FBXL14: variants seen among roughly 807,000 people sequenced by gnomAD.
The protein encoded by FBXL14 is F-box/LRR-repeat protein 14.
A neutral mutation model predicts 24.5 loss-of-function variants in FBXL14; 11 were observed. That is an observed-to-expected ratio of 0.45 (90% CI 0.28 to 0.74). FBXL14 has a LOEUF of 0.74. Ranked by LOEUF, FBXL14 falls within the 30% of genes least tolerant of loss-of-function variation. FBXL14 has a pLI of 0.12. For synonymous variants in FBXL14, 294 were observed against 240.4 expected, an observed-to-expected ratio of 1.22 and a Z score of -2.06; for missense variants, 384 against 545.6, an observed-to-expected ratio of 0.70 and a Z score of 2.95.
intron 1 of FBXL14, among the ~76,000 whole-genome samples, chr12:1,571,500 G>A (rs370347579): frequency 3.9e-5 from 6 of 152,288 alleles, no homozygotes; most frequent in Admixed American, 6.5e-5. Flanking sequence ...GAGCCACCGC[G>A]CCCAGCCAGT....
chr12:1,581,020 T>C (rs1358987001), intron 1 of FBXL14, among the ~76,000 whole-genome samples: 1 of 152,182 alleles, frequency 6.6e-6, no homozygotes, highest in Non-Finnish European at 1.5e-5. Context: ...CAAGGTGTTG[T>C]TGATACCTGC....
Position 1,594,121 on chromosome 12 carries a change from C to G in FBXL14, c.-55G>C, listed in dbSNP as rs1264341686. On this transcript the variant is annotated 5_prime_UTR_variant, in exon 1 of 2. Transcript: ENST00000339235. ...GGGAGGAGGCGCGGGCCCCGCCGCT[C>G]CGGCCTCGGGCAGGCGACGAGAGCG... 1 of 1,308,388 alleles carries G rather than the reference C, an allele frequency of 7.6e-7. No homozygotes were observed. Among genetic ancestry groups the G allele is most frequent in the Admixed American group, 3.8e-5 (1 of 26,090 alleles). 81.0% of individuals were successfully genotyped at this position (1,308,388 alleles called of 1,614,324 possible). A position where few individuals can be genotyped will look rare whatever the true frequency, so the allele number is the denominator to read the frequency against.
At chr12:1,585,810 C>A (rs539867619) in intron 1 of FBXL14, among the ~76,000 whole-genome samples, 1 of 152,172 alleles carries the variant, frequency 6.6e-6, no homozygotes. Context: ...AGCCTTTTTG[C>A]CCTTGAATGA....
At position 1,589,397 on chromosome 12, in the gene FBXL14, C is replaced by CAA. The variant is rs869295084; in HGVS notation, c.1194+3474_1194+3475dup. On this transcript the variant is annotated intron_variant, in intron 1 of 1. Coordinates refer to ENST00000339235, the MANE Select transcript of FBXL14 (RefSeq NM_152441.3). Reference sequence around the variant, plus strand: ...TAGGCAACAGATCAAGACCTTGTCTCAAAAAAAAAAAAAAAAAAAAAAGAT... The same window carrying CAA: ...TAGGCAACAGATCAAGACCTTGTCTCAAAAAAAAAAAAAAAAAAAAAAAAGAT... Among the ~76,000 whole-genome samples, 93 of 10,976 alleles carry CAA rather than the reference C, an allele frequency of 8.5e-3. 3 individuals are homozygous for CAA. Among genetic ancestry groups the CAA allele is most frequent in the East Asian group, 0.026 (8 of 310 alleles). The allele number at this position is 10,976 out of a possible 152,430, so 7.2% of individuals were successfully genotyped here.
chr12:1,582,480 G>T (rs1474344153), intron 1 of FBXL14, among the ~76,000 whole-genome samples: 1 of 152,070 alleles, frequency 6.6e-6, no homozygotes, highest in Non-Finnish European at 1.5e-5. Context: ...TTTACAACCT[G>T]TATTCTCTGT....
intron 1 of FBXL14, among the ~76,000 whole-genome samples, chr12:1,573,632 G>A (rs1233614145): frequency 6.6e-6 from 1 of 152,174 alleles, no homozygotes; most frequent in African/African-American, 2.4e-5. Flanking sequence ...GGACTTAAAG[G>A]GTGAGGAAGA....
At chr12:1,572,440 G>A (rs188491205) in intron 1 of FBXL14, among the ~76,000 whole-genome samples, 2 of 152,226 alleles carry the variant, frequency 1.3e-5, no homozygotes, top group African/African-American at 4.8e-5. Context: ...TTCAACACAA[G>A]AACATTTTGA....
At chr12:1,592,761 A>T in intron 1 of FBXL14, 112 bp downstream of exon 1, 2 of 953,736 alleles carry the variant, frequency 2.1e-6, no homozygotes, top group Non-Finnish European at 3.0e-6. Flanking sequence ...GCCCCATCTC[A>T]TCCGCTGCAA....
rs1312860824 is a variant in FBXL14 at position 1,594,072 on chromosome 12, T to C, written c.-6A>G. 7 of 1,435,772 alleles carry C rather than the reference T, an allele frequency of 4.9e-6. No homozygotes were observed. In the Admixed American group the frequency reaches 2.0e-4, roughly 41 times the overall value. 88.9% of individuals were successfully genotyped at this position (1,435,772 alleles called of 1,614,324 possible). A position where few individuals can be genotyped will look rare whatever the true frequency, so the allele number is the denominator to read the frequency against. On this transcript the variant is annotated 5_prime_UTR_variant, in exon 1 of 2. Transcript: ENST00000339235. The stretch of plus-strand genomic sequence containing the variant: ...CATGAGATGTGGGTCTCCATCTTCC[T>C]CCTCCCCCCTCCGCGGCGCTGGGGG...
chr12:1,594,233 G>A lies in FBXL14; in HGVS notation c.-167C>T, dbSNP rs1466147286. On this transcript the variant is annotated 5_prime_UTR_variant, in exon 1 of 2. Transcript: ENST00000339235. The stretch of plus-strand genomic sequence containing the variant: ...CCGCCTTCCGGCTCCGGCCGCCGCC[G>A]CCGCTCCTCCTCCTGGTCCGTCCGT... 7.9e-6 allele frequency: 2 copies of A among 253,030 alleles called. No homozygotes were observed. Among genetic ancestry groups the A allele is most frequent in the Non-Finnish European group, 1.3e-5 (2 of 153,998 alleles). The allele number at this position is 253,030 out of a possible 1,614,324, so 15.7% of individuals were successfully genotyped here.
intron 1 of FBXL14, among the ~76,000 whole-genome samples, chr12:1,591,947 T>C (rs1320087775): frequency 6.6e-6 from 1 of 152,020 alleles, no homozygotes; most frequent in Non-Finnish European, 1.5e-5. Context: ...TAAATTAAGA[T>C]TTAGAAATAG....
chr12:1,579,627 T>A lies in FBXL14; in HGVS notation c.1195-12817A>T, dbSNP rs1041569589. ...GACTCCATTTAAAAAAAAAAAAAAA[T>A]GTAGTTATCAATTTTTTGTTTTTGA... On this transcript the variant is annotated intron_variant, in intron 1 of 1. Coordinates refer to ENST00000339235, the MANE Select transcript of FBXL14 (RefSeq NM_152441.3). This position sits in a 1 kb window ranked among gnomAD's most constrained non-coding sequence, Gnocchi z 4.3. Among the ~76,000 whole-genome samples the A allele has an allele frequency of 6.7e-6, 1 of 149,376 alleles. No individual in the cohort carries two copies. The highest frequency in any genetic ancestry group is 1.5e-5 in the Non-Finnish European group (1 of 67,430).
intron 1 of FBXL14, among the ~76,000 whole-genome samples, chr12:1,575,498 C>T (rs915487872): frequency 4.6e-5 from 7 of 152,164 alleles, no homozygotes; most frequent in Non-Finnish European, 2.9e-5. Context: ...TTCGGGATCC[C>T]GTGGGGAAAA....
chr12:1,580,318 C>T (rs1483165407), intron 1 of FBXL14, among the ~76,000 whole-genome samples: 1 of 152,160 alleles, frequency 6.6e-6, no homozygotes, highest in Non-Finnish European at 1.5e-5. Flanking sequence ...ACTCAGGATC[C>T]CGTTCAATAG....
chr12:1,589,848 G>A (rs1277657770), intron 1 of FBXL14, among the ~76,000 whole-genome samples: 2 of 152,144 alleles, frequency 1.3e-5, no homozygotes, highest in Middle Eastern at 3.2e-3. Flanking sequence ...TCAATTTGCC[G>A]ACCTTTAGTC....
At chr12:1,591,446 G>A (rs183413584) in intron 1 of FBXL14, among the ~76,000 whole-genome samples, 121 of 151,084 alleles carry the variant, frequency 8.0e-4, no homozygotes, top group African/African-American at 2.3e-3. Context: ...GTTTTAAGAG[G>A]ATCTTTGTTA....
chr12:1,594,353 T>TCGCTCC lies in FBXL14; in HGVS notation c.-293_-288dup, dbSNP rs1216369254. Among the ~76,000 whole-genome samples, 283 of 140,276 alleles carry TCGCTCC rather than the reference T, an allele frequency of 2.0e-3. 2 individuals carry two copies. The highest frequency in any genetic ancestry group is 0.018 in the East Asian group (87 of 4,716). 92.0% of individuals were successfully genotyped at this position (140,276 alleles called of 152,430 possible). A position where few individuals can be genotyped will look rare whatever the true frequency, so the allele number is the denominator to read the frequency against. ...CCCGGGCGGGGAAGGCGCCTCGCTC[T>TCGCTCC]CGCTCCCGGAGGCCGGCCGCCGCCG... On this transcript the variant is annotated 5_prime_UTR_variant, in exon 1 of 2. Transcript: ENST00000339235.
In FBXL14 at chr12:1,593,255, A is replaced by G. The variant is rs1311267963; in HGVS notation, c.812T>C (p.Ile271Thr). Residue 271 changes from isoleucine to threonine, a missense_variant, in exon 1 of 2, where the codon ATC becomes ACC. By Grantham distance (89) the Ile-to-Thr change is moderately conservative. Coordinates refer to ENST00000339235, the MANE Select transcript of FBXL14 (RefSeq NM_152441.3). The surrounding 1 kb of genome is among the most constrained non-coding windows in gnomAD (Gnocchi z 7.4). ...RSCDNISDTG[I>T]MHLAMGSLRL... ...CAGGCTGCCCATGGCCAGATGCATG[A>G]TGCCCGTGTCACTGATGTTGTCACA... is the stretch of plus-strand genomic sequence containing the variant. The G allele has an allele frequency of 6.2e-7, 1 of 1,612,822 alleles. No homozygotes were observed. Among genetic ancestry groups the G allele is most frequent in the Admixed American group, 1.7e-5 (1 of 60,022 alleles).
At chr12:1,589,798 A>C (rs1245614745) in intron 1 of FBXL14, among the ~76,000 whole-genome samples, 2 of 152,216 alleles carry the variant, frequency 1.3e-5, no homozygotes, top group African/African-American at 4.8e-5. Context: ...CTCATTCAGG[A>C]TAAGGATATA....
Sources: allele counts gnomAD v4.1 joint callset (sites outside exome capture counted in the v4.1 genomes callset), GRCh38; gene constraint gnomAD v4.1.1; non-coding constraint Gnocchi (gnomAD v3.1); transcripts MANE v1.5; gene names NCBI Gene and HGNC (gene_info 2026-07-23, HGNC 2026-07-21).